The following PPM1M variants were observed in gnomAD, a reference collection of about 807,000 sequenced individuals.
The protein encoded by PPM1M is protein phosphatase 1M.
In PPM1M, 44 loss-of-function variants were observed where a neutral mutation model predicts 50.8. The ratio of observed to expected loss-of-function variants is 0.87; its 90% CI spans 0.68 to 1.11. PPM1M has a LOEUF of 1.11. Ranked by LOEUF, PPM1M falls within the 50% of genes most tolerant of loss-of-function variation. The probability of loss-of-function intolerance (pLI) is 0.00; values close to 1 mark genes in which losing one functional copy is unlikely to be tolerated. For synonymous variants in PPM1M, 224 were observed against 242.9 expected (o/e 0.92, Z 0.72); for missense variants, 556 against 593.4 (o/e 0.94, Z 0.66).
rs1173588507 is a variant in PPM1M, at chr3:52,247,150, C to T, written c.519C>T (p.Asp173=). 3 of 1,612,576 alleles carry T rather than the reference C, an allele frequency of 1.9e-6. No individual in the cohort carries two copies. In the East Asian group the frequency reaches 6.7e-5, roughly 36 times the overall value. ...ATGGCCGCTGCATCTGCCCCAGTGA[C>T]CCTCAGTTTGTGGAGGAAAAGGGCA... ...HLNGRCICPS[D]PQFVEEKGIR... The change falls in exon 3 of 10, where the codon GAC becomes GAT. Residue 173 remains aspartate, a synonymous_variant. Coordinates refer to ENST00000323588, the MANE Select transcript of PPM1M (RefSeq NM_144641.4).
Position 52,249,060 on chromosome 3 carries a change from A to C in PPM1M, c.1083A>C (p.Pro361=). 1 of 1,609,600 alleles carries C rather than the reference A, an allele frequency of 6.2e-7. No homozygotes were observed. The highest frequency in any genetic ancestry group is 1.1e-5 in the South Asian group (1 of 90,264). Residue 361 remains proline (P), a synonymous_variant, in exon 8 of 10, where the codon CCA becomes CCC. Coordinates refer to ENST00000323588, the MANE Select transcript of PPM1M (RefSeq NM_144641.4). ...IQLKPFLLSV[P]QVTVLDVDQL... is the part of the protein sequence containing the mutation. ...TCAAGCCCTTCTTGCTCTCTGTGCCACAGGTAAGGGGGCAACGCTGTCCAA... is the reference window on the plus strand; with the variant it reads ...TCAAGCCCTTCTTGCTCTCTGTGCCCCAGGTAAGGGGGCAACGCTGTCCAA...
In PPM1M at chr3:52,249,602, T is replaced by G. The variant is rs575060737; in HGVS notation, c.1236-68T>G. 7.6e-5 allele frequency: 122 copies of G among 1,596,744 alleles called. No homozygotes were observed. In the African/African-American group the frequency reaches 1.6e-3, roughly 20 times the overall value. ...CCCATGTCCAGCCTTGTGCAGTGAGTTCTCCTAAGGTCTGGCCTTGCCCCT... is the reference window on the plus strand; with the variant it reads ...CCCATGTCCAGCCTTGTGCAGTGAGGTCTCCTAAGGTCTGGCCTTGCCCCT... On this transcript the variant is annotated intron_variant, in intron 9 of 9. Coordinates refer to ENST00000323588, the MANE Select transcript of PPM1M (RefSeq NM_144641.4).
Position 52,247,123 on chromosome 3 carries a change from C to T in PPM1M, c.492C>T (p.Leu164=), listed in dbSNP as rs1217535050. Residue 164 remains leucine, a synonymous_variant, in exon 3 of 10, where the codon CTC becomes CTT. Coordinates refer to ENST00000323588, the MANE Select transcript of PPM1M (RefSeq NM_144641.4). ...TGGCCACTCAGCCCCCCATGCACCT[C>T]AATGGCCGCTGCATCTGCCCCAGTG... is the stretch of plus-strand genomic sequence containing the variant. The part of the protein sequence containing the change: ...GLVATQPPMH[L]NGRCICPSDP... The T allele has an allele frequency of 6.2e-7, 1 of 1,608,614 alleles. No homozygotes were observed. Among genetic ancestry groups the T allele is most frequent in the South Asian group, 1.1e-5 (1 of 89,718 alleles).
chr3:52,247,877 T>C (rs973350691), intron 4 of PPM1M, 83 bp downstream of exon 4: 4 of 903,500 alleles, frequency 4.4e-6, no homozygotes, highest in Non-Finnish European at 7.1e-6. Context: ...TGGCTGGAAG[T>C]GGAGGGATAG....
At position 52,248,194 on chromosome 3, in the gene PPM1M, T is replaced by C; in HGVS notation, c.752T>C (p.Phe251Ser). The change falls in exon 5 of 10, where the codon TTC (phenylalanine) becomes TCC (serine). Residue 251 changes from phenylalanine to serine, a missense_variant. Physicochemically the swap from Phe to Ser is radical, Grantham distance 155. Transcript: ENST00000323588. Reference protein sequence around the residue: ...VRRDEIRPLSFEFTPETERQR... With the variant: ...VRRDEIRPLSSEFTPETERQR... ...AGAGATGAGATACGGCCACTGAGCT[T>C]CGAGTTCACCCCAGAGACTGAGCGG... 1 of 1,613,452 alleles carries C rather than the reference T, an allele frequency of 6.2e-7. No individual in the cohort carries two copies. The highest frequency in any genetic ancestry group is 8.5e-7 in the Non-Finnish European group (1 of 1,179,688).
At position 52,248,155 on chromosome 3, in the gene PPM1M, C is replaced by G; in HGVS notation, c.713C>G (p.Ala238Gly). The change falls in exon 5 of 10, where the codon GCC (alanine) becomes GGC (glycine). Residue 238 changes from alanine (A) to glycine (G), a missense_variant and splice_region_variant. Transcript: ENST00000323588. ...TCTCCCTTCTCTCCTCAATCCAGGG[C>G]CATCTTGGTGCGGAGAGATGAGATA... ...LYMANAGDSRAILVRRDEIRP... is the reference protein window; with the variant it reads ...LYMANAGDSRGILVRRDEIRP... 1 of 1,610,560 alleles carries G rather than the reference C, an allele frequency of 6.2e-7. No individual in the cohort carries two copies. The highest frequency in any genetic ancestry group is 1.7e-5 in the Admixed American group (1 of 59,600).
chr3:52,246,288 G>C, intron 1 of PPM1M: 1 of 1,032,772 alleles, frequency 9.7e-7, no homozygotes, highest in Non-Finnish European at 1.2e-6. Context: ...CAGCCCAGGG[G>C]CTTCCAAGAT....
chr3:52,248,212 C>T lies in PPM1M; in HGVS notation c.770C>T (p.Thr257Ile). The change falls in exon 5 of 10, where the codon ACT (threonine) becomes ATT (isoleucine). Residue 257 changes from threonine to isoleucine, a missense_variant. Coordinates refer to ENST00000323588, the MANE Select transcript of PPM1M (RefSeq NM_144641.4). ...RPLSFEFTPE[T>I]ERQRIQQLAF... ...CTGAGCTTCGAGTTCACCCCAGAGA[C>T]TGAGCGGCAGCGGATCCAGCAGCTG... is the stretch of plus-strand genomic sequence containing the variant. 1.2e-6 allele frequency: 2 copies of T among 1,613,568 alleles called. No homozygotes were observed. Among genetic ancestry groups the T allele is most frequent in the South Asian group, 1.1e-5 (1 of 90,972 alleles).
At position 52,249,399 on chromosome 3, in the gene PPM1M, CAG is replaced by C. The variant is rs1311304758; in HGVS notation, c.1235+80_1235+81del. On this transcript the variant is annotated intron_variant, in intron 9 of 9. Transcript: ENST00000323588. ...GCCCAAGTAGTTATGGCTGAGAAGA[CAG>C]AGCACTGACAATGAGCTGGCAGCTG... 4.6e-6 allele frequency: 7 copies of C among 1,520,602 alleles called. No homozygotes were observed. In the African/African-American group the frequency reaches 8.3e-5, roughly 18 times the overall value. 94.2% of individuals were successfully genotyped at this position (1,520,602 alleles called of 1,614,324 possible). A position where few individuals can be genotyped will look rare whatever the true frequency, so the allele number is the denominator to read the frequency against.
At position 52,246,009 on chromosome 3, in the gene PPM1M, C is replaced by G; in HGVS notation, c.185C>G (p.Ala62Gly). 1 of 1,229,052 alleles carries G rather than the reference C, an allele frequency of 8.1e-7. No homozygotes were observed. The highest frequency in any genetic ancestry group is 1.4e-5 in the South Asian group (1 of 73,324). The allele number at this position is 1,229,052 out of a possible 1,614,324, so 76.1% of individuals were successfully genotyped here. Reference protein sequence around the residue: ...RPDSRPVRSPARGRTLPWNAG... With the variant: ...RPDSRPVRSPGRGRTLPWNAG... ...GACTCCCGGCCCGTGCGCAGCCCCGCACGAGGACGCACGCTACCCTGGAAT... is the reference window on the plus strand; with the variant it reads ...GACTCCCGGCCCGTGCGCAGCCCCGGACGAGGACGCACGCTACCCTGGAAT... Residue 62 changes from alanine (A) to glycine (G), a missense_variant, in exon 1 of 10, where the codon GCA becomes GGA. Transcript: ENST00000323588.
chr3:52,248,338 T>A lies in PPM1M; in HGVS notation c.799T>A (p.Phe267Ile), dbSNP rs748475138. ...GAGCGCAGCCTCCCCACCCCAGGCCTTTGTCTATCCTGAGCTTCTGGCTGG... is the reference window on the plus strand; with the variant it reads ...GAGCGCAGCCTCCCCACCCCAGGCCATTGTCTATCCTGAGCTTCTGGCTGG... ...TERQRIQQLA[F>I]VYPELLAGEF... The change falls in exon 6 of 10, where the codon TTT becomes ATT. Residue 267 changes from phenylalanine to isoleucine, a missense_variant. Coordinates refer to ENST00000323588, the MANE Select transcript of PPM1M (RefSeq NM_144641.4). 2 of 1,611,602 alleles carry A rather than the reference T, an allele frequency of 1.2e-6. No individual in the cohort carries two copies. Among genetic ancestry groups the A allele is most frequent in the Non-Finnish European group, 1.7e-6 (2 of 1,178,832 alleles).
chr3:52,248,874 G>T, intron 7 of PPM1M, 82 bp from the exon 8 acceptor site: 1 of 1,272,672 alleles, frequency 7.9e-7, no homozygotes, highest in Non-Finnish European at 1.1e-6. Context: ...ACCTCTCCCT[G>T]TGTGCTCTGC....
In PPM1M at chr3:52,246,928, A is replaced by C. The variant is rs185641380; in HGVS notation, c.343-46A>C. ...CCTAGTTAGGTTGCGTCAGGGGACA[A>C]GTGGGGAAGTCAGGCAGAGGCTGAC... On this transcript the variant is annotated intron_variant, in intron 2 of 9. Transcript: ENST00000323588. 11 of 1,522,928 alleles carry C rather than the reference A, an allele frequency of 7.2e-6. No homozygotes were observed. The East Asian group carries it at 2.3e-4, about 31-fold the overall frequency. The allele number at this position is 1,522,928 out of a possible 1,614,324, so 94.3% of individuals were successfully genotyped here.
Position 52,249,816 on chromosome 3 carries a change from G to C in PPM1M, c.*2G>C, listed in dbSNP as rs1321301789. 6.2e-7 allele frequency: 1 copy of C among 1,611,784 alleles called. No homozygotes were observed. The highest frequency in any genetic ancestry group is 8.5e-7 in the Non-Finnish European group (1 of 1,178,934). On this transcript the variant is annotated 3_prime_UTR_variant, in exon 10 of 10. Transcript: ENST00000323588. ...GGCCAAGAGAGCAGTGACCACTGAG[G>C]ATTCAGACACTGTATCCCAGAACTG...
rs377757232 is a variant in PPM1M at position 52,249,284 on chromosome 3, G to A, written c.1197G>A (p.Val399=). 1 of 1,611,936 alleles carries A rather than the reference G, an allele frequency of 6.2e-7. No homozygotes were observed. Among genetic ancestry groups the A allele is most frequent in the Non-Finnish European group, 8.5e-7 (1 of 1,178,968 alleles). The change falls in exon 9 of 10, where the codon GTG becomes GTA. Residue 399 remains valine (V), a synonymous_variant. Transcript: ENST00000323588. ...VLSNEQVAWL[V]RSFLPGNQED... is the part of the protein sequence containing the mutation. ...CCAACGAGCAGGTGGCATGGCTGGT[G>A]CGGAGCTTCCTCCCTGGGAACCAAG...
rs145981754 is a variant in PPM1M at position 52,249,318 on chromosome 3, C to T, written c.1231C>T (p.His411Tyr). 314 of 1,598,776 alleles carry T rather than the reference C, an allele frequency of 2.0e-4. No homozygotes were observed. The highest frequency in any genetic ancestry group is 4.6e-4 in the Admixed American group (26 of 56,966). ...SFLPGNQEDP[H>Y]RFSKLAQMLI... ...CCTCCCTGGGAACCAAGAGGACCCA[C>T]ACAGGTACTGTAGCTGCTGGGGACC... The change falls in exon 9 of 10, where the codon CAC becomes TAC. Residue 411 changes from histidine to tyrosine, a missense_variant. Physicochemically the swap from His to Tyr is moderately conservative, Grantham distance 83. Transcript: ENST00000323588.
chr3:52,249,854 G>A lies in PPM1M; in HGVS notation c.*40G>A. On this transcript the variant is annotated 3_prime_UTR_variant, in exon 10 of 10. Transcript: ENST00000323588. ...TATCCCAGAACTGCTCTAGTGCCCGGGTGTGGTCTGGGCATCCCTCCAGTG... is the reference window on the plus strand; with the variant it reads ...TATCCCAGAACTGCTCTAGTGCCCGAGTGTGGTCTGGGCATCCCTCCAGTG... 1 of 1,583,446 alleles carries A rather than the reference G, an allele frequency of 6.3e-7. No homozygotes were observed. The highest frequency in any genetic ancestry group is 8.6e-7 in the Non-Finnish European group (1 of 1,162,068).
chr3:52,248,516 C>T, intron 6 of PPM1M, 63 bp downstream of exon 6: 1 of 1,591,326 alleles, frequency 6.3e-7, no homozygotes, highest in Non-Finnish European at 8.6e-7. Flanking sequence ...AGCCGTATGG[C>T]CTGGGGCCCC....
At chr3:52,246,848 C>A in intron 2 of PPM1M, 36 bp downstream of exon 2, 4 of 1,468,190 alleles carry the variant, frequency 2.7e-6, no homozygotes, top group Non-Finnish European at 3.7e-6. Context: ...GGAATCCCTC[C>A]GACAGGCTGG....
Sources: gnomAD v4.1 joint callset for allele counts on GRCh38, gnomAD v4.1.1 for gene constraint, MANE v1.5 for transcripts, NCBI Gene and HGNC (gene_info 2026-07-23, HGNC 2026-07-21) for gene names.